The following ROBO1 variants were observed in gnomAD, a reference collection of about 807,000 sequenced individuals.
ROBO1 encodes the protein roundabout guidance receptor 1.
ROBO1 carries 149 observed loss-of-function variants against 195.9 expected under a neutral mutation model. The ratio of observed to expected loss-of-function variants is 0.76; its 90% CI spans 0.67 to 0.87. ROBO1 has a LOEUF of 0.87. Ranked by LOEUF, ROBO1 falls within the 40% of genes least tolerant of loss-of-function variation. The pLI, the probability that ROBO1 is intolerant of heterozygous loss-of-function variation, is 0.00. For missense variants in ROBO1, 1,933 were observed against 2,068.3 expected (o/e 0.93, Z 1.27); for synonymous variants, 816 against 733.2 (o/e 1.11, Z -1.82).
intron 3 of ROBO1, among the ~76,000 whole-genome samples, chr3:79,042,808 G>A (rs1217848465): frequency 6.6e-6 from 1 of 152,024 alleles, no homozygotes; most frequent in African/African-American, 2.4e-5. Context: ...ACATGCACCA[G>A]GAAGCTGCTA....
intron 2 of ROBO1, among the ~76,000 whole-genome samples, chr3:79,568,340 A>G (rs1943157255): frequency 6.6e-6 from 1 of 152,128 alleles, no homozygotes; most frequent in African/African-American, 2.4e-5. Flanking sequence ...GTCTTAAATC[A>G]TCACCATATT....
chr3:79,107,462 T>A (rs1008503502), intron 3 of ROBO1, among the ~76,000 whole-genome samples: 7 of 151,676 alleles, frequency 4.6e-5, no homozygotes, highest in Admixed American at 2.6e-4. Flanking sequence ...TTACTTTTTG[T>A]ATGTTGTTTC....
chr3:79,458,919 A>G (rs1246337322), intron 2 of ROBO1, among the ~76,000 whole-genome samples: 1 of 152,154 alleles, frequency 6.6e-6, no homozygotes, highest in East Asian at 1.9e-4. Context: ...AACCCAAACA[A>G]AACTTTCTTT....
Position 78,764,838 on chromosome 3 carries a change from G to A in ROBO1, c.500-17938C>T, listed in dbSNP as rs539262214. 6.6e-5 allele frequency among the ~76,000 whole-genome samples: 10 copies of A among 152,122 alleles called. No homozygotes were observed. In the South Asian group the frequency reaches 1.2e-3, roughly 19 times the overall value. On this transcript the variant is annotated intron_variant, in intron 4 of 30. Coordinates refer to ENST00000464233, the MANE Select transcript of ROBO1 (RefSeq NM_002941.4). ...GTCACAGAGACATAAGGCCTCTACC[G>A]ATAAAATAGATGGTTCATTCTGTCA... is the stretch of plus-strand genomic sequence containing the variant.
intron 5 of ROBO1, among the ~76,000 whole-genome samples, chr3:78,729,824 T>C (rs1037761493): frequency 6.6e-6 from 1 of 152,246 alleles, no homozygotes; most frequent in Non-Finnish European, 1.5e-5. Context: ...CATGGTAGCA[T>C]TCAGCCTTAA....
intron 2 of ROBO1, among the ~76,000 whole-genome samples, chr3:79,371,247 T>C (rs2036182531): frequency 6.6e-6 from 1 of 152,162 alleles, no homozygotes; most frequent in South Asian, 2.1e-4. Flanking sequence ...TTCTGGACCC[T>C]GGAGGAATTG....
At chr3:78,890,613 T>A (rs1272621655) in intron 4 of ROBO1, among the ~76,000 whole-genome samples, 1 of 152,196 alleles carries the variant, frequency 6.6e-6, no homozygotes, top group African/African-American at 2.4e-5. Flanking sequence ...TATTTTTTTG[T>A]CCATTAAGAC....
chr3:78,844,452 C>G (rs888025575), intron 4 of ROBO1, among the ~76,000 whole-genome samples: 4 of 151,928 alleles, frequency 2.6e-5, no homozygotes, highest in African/African-American at 9.7e-5. Flanking sequence ...TGTGATATGC[C>G]GTAATTTTAC....
At position 78,668,165 on chromosome 3, in the gene ROBO1, T is replaced by C. The variant is rs751865351; in HGVS notation, c.1768A>G (p.Thr590Ala). 1.9e-6 allele frequency: 3 copies of C among 1,613,756 alleles called. No homozygotes were observed. In the African/African-American group the frequency reaches 4.0e-5, roughly 22 times the overall value. Residue 590 changes from threonine (T) to alanine (A), a missense_variant, in exon 13 of 31, where the codon ACT becomes GCT. Physicochemically the swap from Thr to Ala is moderately conservative, Grantham distance 58. Around this residue, in one of 3 missense-constraint regions of ROBO1, gnomAD observed 1,737 missense variants for 1,882.5 expected, o/e 0.92. Coordinates refer to ENST00000464233, the MANE Select transcript of ROBO1 (RefSeq NM_002941.4). ...SWQPNLNSGA[T>A]PTSYIIEAFS... ...GCTTCTATAATATAAGATGTTGGAG[T>C]TGCTCCTGAATTCAAATTTGGTTGC... is the stretch of plus-strand genomic sequence containing the variant.
rs73849642 is a variant in ROBO1, at chr3:79,605,994, A to G, written c.-50-16033T>C. On this transcript the variant is annotated intron_variant, in intron 1 of 30. Transcript: ENST00000464233. ...GAAGTTTACATATATGTGTGTGTGT[A>G]TATATATATATATATACCCATTTAT... Among the ~76,000 whole-genome samples the G allele has an allele frequency of 8.4e-3, 731 of 87,000 alleles. 3 individuals are homozygous for G. Among genetic ancestry groups the G allele is most frequent in the Middle Eastern group, 0.017 (3 of 172 alleles). The allele number at this position is 87,000 out of a possible 152,430, so 57.1% of individuals were successfully genotyped here. A position where few individuals can be genotyped will look rare whatever the true frequency, so the allele number is the denominator to read the frequency against.
chr3:79,121,393 A>T lies in ROBO1; in HGVS notation c.172+4063T>A, dbSNP rs115314273. Among the ~76,000 whole-genome samples, 346 of 152,214 alleles carry T rather than the reference A, an allele frequency of 2.3e-3. 2 individuals carry two copies. Among genetic ancestry groups the T allele is most frequent in the African/African-American group, 8.0e-3 (331 of 41,566 alleles). ...AGGTTTTGGGATTGGATTCAAGTTT[A>T]TATGGGCAAACATACTCATTTGTCA... On this transcript the variant is annotated intron_variant, in intron 3 of 30. Coordinates refer to ENST00000464233, the MANE Select transcript of ROBO1 (RefSeq NM_002941.4).
chr3:78,661,308 G>T (rs1167372869), intron 15 of ROBO1, 47 bp from the exon 16 acceptor site: 1 of 1,152,924 alleles, frequency 8.7e-7, no homozygotes, highest in Non-Finnish European at 1.2e-6. Flanking sequence ...TATTGTATTG[G>T]TTCATCAGAA....
At chr3:79,725,410 T>G (rs1702879275) in intron 1 of ROBO1, among the ~76,000 whole-genome samples, 1 of 151,676 alleles carries the variant, frequency 6.6e-6, no homozygotes, top group African/African-American at 2.4e-5. Flanking sequence ...GTATTTTTAG[T>G]AGAGACGAGG....
At chr3:79,089,876 T>C (rs1245609317) in intron 3 of ROBO1, among the ~76,000 whole-genome samples, 2 of 152,158 alleles carry the variant, frequency 1.3e-5, no homozygotes, top group African/African-American at 2.4e-5. Context: ...TTCTAGTCAA[T>C]TTACGACAGT....
intron 2 of ROBO1, among the ~76,000 whole-genome samples, chr3:79,357,916 T>C (rs1025277697): frequency 6.6e-6 from 1 of 152,092 alleles, no homozygotes; most frequent in Admixed American, 6.6e-5. Context: ...AAACAAGAAA[T>C]AAAATATGAA....
At chr3:78,628,804 C>A (rs1704989505) in intron 25 of ROBO1, among the ~76,000 whole-genome samples, 1 of 152,128 alleles carries the variant, frequency 6.6e-6, no homozygotes, top group African/African-American at 2.4e-5. Flanking sequence ...TTTCTTCTCC[C>A]TCAAACTACT....
chr3:79,078,416 G>C (rs2079213375), intron 3 of ROBO1, among the ~76,000 whole-genome samples: 1 of 151,562 alleles, frequency 6.6e-6, no homozygotes, highest in Non-Finnish European at 1.5e-5. Context: ...GTATTTTTTT[G>C]GGGGTCAATC....
At chr3:79,748,180 C>A (rs1576314482) in intron 1 of ROBO1, among the ~76,000 whole-genome samples, 1 of 152,042 alleles carries the variant, frequency 6.6e-6, no homozygotes, top group African/African-American at 2.4e-5. Flanking sequence ...TTAAATAAAT[C>A]TTCATCTTTT....
At chr3:79,738,884 A>G (rs1211989053) in intron 1 of ROBO1, among the ~76,000 whole-genome samples, 4 of 152,170 alleles carry the variant, frequency 2.6e-5, no homozygotes, top group Non-Finnish European at 5.9e-5. Flanking sequence ...AAAAATAGAT[A>G]GGGGCAGTCC....
Sources: allele counts gnomAD v4.1 joint callset (sites outside exome capture counted in the v4.1 genomes callset), GRCh38; gene constraint gnomAD v4.1.1; regional missense constraint gnomAD v4.1.1; transcripts MANE v1.5; gene names NCBI Gene and HGNC (gene_info 2026-07-23, HGNC 2026-07-21).